The following ENGASE variants were observed in gnomAD, a reference collection of about 807,000 sequenced individuals.
ENGASE encodes cytosolic endo-beta-N-acetylglucosaminidase.
ENGASE carries 69 observed loss-of-function variants against 78.5 expected under a neutral mutation model. That is an observed-to-expected ratio of 0.88 (90% CI 0.72 to 1.07). The LOEUF is 1.07. Ranked by LOEUF, ENGASE falls within the 50% of genes least tolerant of loss-of-function variation. ENGASE has a pLI of 0.00. For synonymous variants in ENGASE, 408 were observed against 408.9 expected (o/e 1.00, Z 0.03); for missense variants, 943 against 988.4 (o/e 0.95, Z 0.62).
chr17:79,084,661 C>T lies in ENGASE; in HGVS notation c.1566C>T (p.His522=). 1 of 1,611,858 alleles carries T rather than the reference C, an allele frequency of 6.2e-7. No homozygotes were observed. The highest frequency in any genetic ancestry group is 8.5e-7 in the Non-Finnish European group (1 of 1,179,312). The change falls in exon 11 of 14, where the codon CAC becomes CAT. Residue 522 remains histidine, a synonymous_variant. Transcript: ENST00000579016. ...ELTTGDAGSC[H]IGGISVLNAE... ...CCACAGGGGATGCCGGCAGCTGCCA[C>T]ATCGGTGGCATCTCAGTGTTGAACG...
rs1369361118 is a variant in ENGASE, at chr17:79,087,520, G to A, written c.*1171G>A. 5 of 163,036 alleles carry A rather than the reference G, an allele frequency of 3.1e-5. No homozygotes were observed. Among genetic ancestry groups the A allele is most frequent in the Non-Finnish European group, 6.8e-5 (5 of 73,746 alleles). The allele number at this position is 163,036 out of a possible 1,614,324, so 10.1% of individuals were successfully genotyped here. On this transcript the variant is annotated 3_prime_UTR_variant, in exon 14 of 14. Coordinates refer to ENST00000579016, the MANE Select transcript of ENGASE (RefSeq NM_001042573.3). ...TCCTGGTGTGGTGTCTGGACCCCAC[G>A]GCCTTGGGTCATCCTGTGGCTGGTC... is the stretch of plus-strand genomic sequence containing the variant.
intron 12 of ENGASE, 137 bp downstream of exon 12, chr17:79,085,479 G>A: frequency 2.9e-6 from 4 of 1,364,304 alleles, no homozygotes; most frequent in Non-Finnish European, 4.0e-6. Context: ...CAGGACAGCT[G>A]CTGGGAGCCC....
In ENGASE at chr17:79,082,046, C is replaced by T. The variant is rs201591624; in HGVS notation, c.1021C>T (p.Arg341Ter). The change falls in exon 7 of 14, where the codon CGA becomes TGA. Residue 341 changes from arginine (R) to a stop codon, truncating the protein, a stop_gained. Transcript: ENST00000579016. LOFTEE classifies it high-confidence loss of function. ...VFARGNVVGG[R>*]FDTDKSLELI... Reference sequence around the variant, plus strand: ...TGCTCGAGGGAACGTGGTCGGAGGCCGATTCGACACAGACAAGGTGGGTGG... The same window carrying T: ...TGCTCGAGGGAACGTGGTCGGAGGCTGATTCGACACAGACAAGGTGGGTGG... The T allele has an allele frequency of 1.9e-5, 31 of 1,614,068 alleles. No homozygotes were observed. The highest frequency in any genetic ancestry group is 1.3e-4 in the Admixed American group (8 of 60,010).
intron 1 of ENGASE, among the ~76,000 whole-genome samples, chr17:79,076,438 C>T (rs2072970000): frequency 6.6e-6 from 1 of 152,258 alleles, no homozygotes; most frequent in African/African-American, 2.4e-5. Context: ...GTGGCAGATG[C>T]CTGTAATCCC....
chr17:79,085,406 G>A (rs1444588429), intron 12 of ENGASE, 64 bp downstream of exon 12: 2 of 1,436,688 alleles, frequency 1.4e-6, no homozygotes, highest in African/African-American at 2.8e-5. Context: ...AAACCCCAGA[G>A]CTGGAGGGAT....
intron 3 of ENGASE, among the ~76,000 whole-genome samples, chr17:79,078,134 G>A (rs1017817427): frequency 6.6e-6 from 1 of 152,174 alleles, no homozygotes; most frequent in Non-Finnish European, 1.5e-5. Context: ...GACCTCAGGA[G>A]TTTGAGACCA....
At position 79,081,000 on chromosome 17, in the gene ENGASE, C is replaced by T. The variant is rs774769133; in HGVS notation, c.799C>T (p.Leu267=). 1.2e-6 allele frequency: 2 copies of T among 1,612,956 alleles called. No individual in the cohort carries two copies. Among genetic ancestry groups the T allele is most frequent in the Non-Finnish European group, 1.7e-6 (2 of 1,179,980 alleles). Reference sequence around the variant, plus strand: ...GCTGCACCGGCAGGTCCCAGGGGGCCTGGTGCTCTGGTATGACAGCGTGGT... The same window carrying T: ...GCTGCACCGGCAGGTCCCAGGGGGCTTGGTGCTCTGGTATGACAGCGTGGT... ...TQLHRQVPGG[L]VLWYDSVVQS... is the part of the protein sequence containing the mutation. Residue 267 remains leucine, a synonymous_variant, in exon 6 of 14, where the codon CTG becomes TTG. Transcript: ENST00000579016.
rs2073200300 is a variant in ENGASE, at chr17:79,083,395, C to T, written c.1143-87C>T. The T allele has an allele frequency of 1.9e-6, 2 of 1,025,896 alleles. No individual in the cohort carries two copies. The highest frequency in any genetic ancestry group is 1.5e-5 in the South Asian group (1 of 67,344). 63.5% of individuals were successfully genotyped at this position (1,025,896 alleles called of 1,614,324 possible). On this transcript the variant is annotated intron_variant, in intron 8 of 13. Transcript: ENST00000579016. This position sits in a 1 kb window ranked among gnomAD's most constrained non-coding sequence, Gnocchi z 4.9. ...CCTGTCTTGGAGGGTGCAGGAGAGCCTCGAGTTTCCACCAGCAAGTTTGAG... is the reference window on the plus strand; with the variant it reads ...CCTGTCTTGGAGGGTGCAGGAGAGCTTCGAGTTTCCACCAGCAAGTTTGAG...
chr17:79,085,114 C>A, intron 11 of ENGASE, 120 bp from the exon 12 acceptor site: 1 of 789,808 alleles, frequency 1.3e-6, no homozygotes, highest in Non-Finnish European at 2.2e-6. Context: ...TCTTGGGACC[C>A]GCGAGCGTCT....
intron 5 of ENGASE, 140 bp downstream of exon 5, chr17:79,080,504 C>A (rs2073100372): frequency 2.1e-6 from 2 of 931,596 alleles, no homozygotes; most frequent in Non-Finnish European, 3.2e-6. Flanking sequence ...GCCTCCCAGG[C>A]AGTGCCAACT....
intron 10 of ENGASE, chr17:79,084,312 G>A (rs768062351): frequency 1.7e-4 from 84 of 488,158 alleles, no homozygotes; most frequent in Non-Finnish European, 2.8e-4. Context: ...TGCCCCATAT[G>A]AGGGAATCCC....
In ENGASE at chr17:79,079,588, C is replaced by CTT; in HGVS notation, c.516_517insTT (p.Pro173PhefsTer62). ...TCAGCCACCACACCGTCACCATTCC[C>CTT]CCAGTGGGCTGGACCAACACTGCCC... is the stretch of plus-strand genomic sequence containing the variant. On this transcript the variant is annotated frameshift_variant, in exon 4 of 14. Coordinates refer to ENST00000579016, the MANE Select transcript of ENGASE (RefSeq NM_001042573.3). LOFTEE classifies it high-confidence loss of function. 1.9e-6 allele frequency: 3 copies of CTT among 1,613,022 alleles called. No individual in the cohort carries two copies. The highest frequency in any genetic ancestry group is 2.5e-6 in the Non-Finnish European group (3 of 1,179,698).
intron 5 of ENGASE, 136 bp from the exon 6 acceptor site, chr17:79,080,789 G>A: frequency 3.4e-6 from 4 of 1,190,784 alleles, no homozygotes; most frequent in South Asian, 1.5e-5. Context: ...GCTGTGGCGG[G>A]GAGGGCCTTT....
In ENGASE at chr17:79,085,715, G is replaced by A. The variant is rs1402826347; in HGVS notation, c.1796G>A (p.Cys599Tyr). Residue 599 changes from cysteine to tyrosine, a missense_variant, in exon 13 of 14, where the codon TGT (cysteine) becomes TAT (tyrosine). Physicochemically the swap from Cys to Tyr is radical, Grantham distance 194 (BLOSUM62 -2). Coordinates refer to ENST00000579016, the MANE Select transcript of ENGASE (RefSeq NM_001042573.3). Reference sequence around the variant, plus strand: ...AGTCGGGAGGAGGAGAGCTTCACCTGTCGGCTTGGAGAGATCCAGGTGATG... The same window carrying A: ...AGTCGGGAGGAGGAGAGCTTCACCTATCGGCTTGGAGAGATCCAGGTGATG... ...PGSREEESFT[C>Y]RLGEIQVVDA... The A allele has an allele frequency of 6.2e-7, 1 of 1,613,810 alleles. No homozygotes were observed. Among genetic ancestry groups the A allele is most frequent in the Non-Finnish European group, 8.5e-7 (1 of 1,179,966 alleles).
At chr17:79,081,747 T>TGTGTG in intron 6 of ENGASE, 151 bp from the exon 7 acceptor site, 2 of 609,994 alleles carry the variant, frequency 3.3e-6, no homozygotes, top group Non-Finnish European at 2.3e-6. Context: ...AGGCTGAGGC[T>TGTGTG]GTGTGGGGTG....
rs1443329823 is a variant in ENGASE, at chr17:79,086,172, G to A, written c.2055G>A (p.Met685Ile). 1.2e-6 allele frequency: 2 copies of A among 1,613,660 alleles called. No individual in the cohort carries two copies. Among genetic ancestry groups the A allele is most frequent in the Non-Finnish European group, 1.7e-6 (2 of 1,180,034 alleles). ...AGCTGCCGAGGCCAGAGATGCCCATGTTCCTGGGGTTGGCTTTTGCCACCC... is the reference window on the plus strand; with the variant it reads ...AGCTGCCGAGGCCAGAGATGCCCATATTCCTGGGGTTGGCTTTTGCCACCC... Reference protein sequence around the residue: ...GRELPRPEMPMFLGLAFATQY... With the variant: ...GRELPRPEMPIFLGLAFATQY... The change falls in exon 14 of 14, where the codon ATG becomes ATA. Residue 685 changes from methionine (M) to isoleucine (I), a missense_variant. Transcript: ENST00000579016.
Position 79,082,034 on chromosome 17 carries a change from G to A in ENGASE, c.1009G>A (p.Val337Met), listed in dbSNP as rs574786825. ...CGTGGATGTGTTTGCTCGAGGGAACGTGGTCGGAGGCCGATTCGACACAGA... is the reference window on the plus strand; with the variant it reads ...CGTGGATGTGTTTGCTCGAGGGAACATGGTCGGAGGCCGATTCGACACAGA... ...VGVDVFARGNVVGGRFDTDKS... is the reference protein window; with the variant it reads ...VGVDVFARGNMVGGRFDTDKS... Residue 337 changes from valine (V) to methionine (M), a missense_variant, in exon 7 of 14, where the codon GTG (valine) becomes ATG (methionine). Transcript: ENST00000579016. The A allele has an allele frequency of 6.8e-6, 11 of 1,614,258 alleles. No homozygotes were observed. Among genetic ancestry groups the A allele is most frequent in the South Asian group, 3.3e-5 (3 of 91,090 alleles).
intron 1 of ENGASE, 99 bp downstream of exon 1, chr17:79,075,189 G>C (rs1209811901): frequency 8.6e-7 from 1 of 1,166,942 alleles, no homozygotes; most frequent in African/African-American, 1.6e-5. Context: ...GAGGGGCGGG[G>C]GGCCGGCGCC....
chr17:79,076,601 A>T (rs2072973537), intron 1 of ENGASE, among the ~76,000 whole-genome samples: 1 of 152,176 alleles, frequency 6.6e-6, no homozygotes, highest in South Asian at 2.1e-4. Flanking sequence ...GTGGTTTGAG[A>T]TGTATTTAGG....
Sources: allele counts gnomAD v4.1 joint callset (sites outside exome capture counted in the v4.1 genomes callset), GRCh38; gene constraint gnomAD v4.1.1; non-coding constraint Gnocchi (gnomAD v3.1); transcripts MANE v1.5; gene names NCBI Gene and HGNC (gene_info 2026-07-23, HGNC 2026-07-21).